The following UQCC1 variants were observed in gnomAD, a reference collection of about 807,000 sequenced individuals.
The protein encoded by UQCC1 is bFGF-repressed Zic-binding protein.
A neutral mutation model predicts 48.0 loss-of-function variants in UQCC1; 38 were observed. That is an observed-to-expected ratio of 0.79 (90% confidence interval 0.61 to 1.04). The LOEUF (loss-of-function observed/expected upper bound fraction) is 1.04, where lower values mean the gene tolerates loss of function less well. Ranked by LOEUF, UQCC1 falls within the 50% of genes least tolerant of loss-of-function variation. The pLI is 0.00. For missense variants in UQCC1, 368 were observed against 381.8 expected (o/e 0.96, Z 0.30); for synonymous variants, 111 against 129.2 (o/e 0.86, Z 0.95).
intron 1 of UQCC1, among the ~76,000 whole-genome samples, chr20:35,395,978 G>GTTT (rs1239478690): frequency 1.8e-5 from 2 of 110,038 alleles, no homozygotes; most frequent in Non-Finnish European, 2.0e-5. Flanking sequence ...GGTTTGCAAT[G>GTTT]TCTTTTTTTT....
chr20:35,305,951 G>A (rs2060923697), intron 9 of UQCC1, among the ~76,000 whole-genome samples: 2 of 152,300 alleles, frequency 1.3e-5, no homozygotes, highest in South Asian at 4.1e-4. Flanking sequence ...TCACTGGGAG[G>A]CCCTGGAAGA....
intron 2 of UQCC1, among the ~76,000 whole-genome samples, chr20:35,392,930 T>C (rs1041985664): frequency 1.3e-5 from 2 of 151,988 alleles, no homozygotes; most frequent in South Asian, 2.1e-4. Context: ...GAGTTCCCAA[T>C]AGATGAATGG....
chr20:35,384,015 C>T, intron 3 of UQCC1, 23 bp downstream of exon 3: 1 of 1,592,550 alleles, frequency 6.3e-7, no homozygotes, highest in Non-Finnish European at 8.6e-7. Flanking sequence ...TCTATAAACA[C>T]AGAATGCACT....
intron 7 of UQCC1, among the ~76,000 whole-genome samples, chr20:35,325,604 T>A (rs1191128155): frequency 6.6e-6 from 1 of 152,178 alleles, no homozygotes; most frequent in African/African-American, 2.4e-5. Flanking sequence ...TGGTATATGC[T>A]GGAGGTAAAA....
At chr20:35,304,100 G>C (rs2060901563) in intron 9 of UQCC1, 31 bp from the exon 10 acceptor site, 3 of 1,613,588 alleles carry the variant, frequency 1.9e-6, no homozygotes, top group East Asian at 4.5e-5. Flanking sequence ...AGGAGGAAGC[G>C]ACAGAGGCAG....
intron 6 of UQCC1, among the ~76,000 whole-genome samples, chr20:35,360,249 T>C (rs904583025): frequency 1.3e-5 from 2 of 152,126 alleles, no homozygotes; most frequent in African/African-American, 2.4e-5. Context: ...TCACCATGTA[T>C]AGCAGGCCTG....
intron 6 of UQCC1, among the ~76,000 whole-genome samples, chr20:35,359,943 G>C (rs1301337520): frequency 6.6e-6 from 1 of 152,156 alleles, no homozygotes; most frequent in Non-Finnish European, 1.5e-5. Context: ...GGGAGCATGA[G>C]GGCCACAGGA....
intron 6 of UQCC1, among the ~76,000 whole-genome samples, chr20:35,359,017 G>T (rs1412591091): frequency 6.6e-6 from 1 of 152,124 alleles, no homozygotes; most frequent in Non-Finnish European, 1.5e-5. Context: ...AAAAAAAGGA[G>T]TGTTCAAACC....
chr20:35,326,655 T>C (rs1040959353), intron 7 of UQCC1, among the ~76,000 whole-genome samples: 4 of 152,096 alleles, frequency 2.6e-5, no homozygotes, highest in African/African-American at 7.2e-5. Flanking sequence ...GAGGTCTGAT[T>C]ACCGTCAGCA....
intron 7 of UQCC1, among the ~76,000 whole-genome samples, chr20:35,334,251 T>C (rs919077260): frequency 2.0e-5 from 3 of 152,174 alleles, no homozygotes; most frequent in African/African-American, 7.2e-5. Flanking sequence ...AGAAGTACTG[T>C]GTGTGACCAG....
At chr20:35,342,117 G>C (rs2061386697) in intron 7 of UQCC1, among the ~76,000 whole-genome samples, 1 of 152,186 alleles carries the variant, frequency 6.6e-6, no homozygotes, top group Non-Finnish European at 1.5e-5. Context: ...AGAGTGAGCA[G>C]GGGACCATGA....
At chr20:35,345,764 G>A (rs1459820305) in intron 7 of UQCC1, 1 of 152,138 alleles carries the variant, frequency 6.6e-6, no homozygotes, top group Non-Finnish European at 1.5e-5. Context: ...TATTCTATGA[G>A]CATATGTAAC....
intron 6 of UQCC1, among the ~76,000 whole-genome samples, chr20:35,355,258 C>G (rs539604249): frequency 1.3e-5 from 2 of 152,296 alleles, no homozygotes; most frequent in South Asian, 4.1e-4. Context: ...AACTCTACCG[C>G]AAATCTCATT....
At chr20:35,346,028 A>C (rs1391312138) in intron 7 of UQCC1, 2 of 152,240 alleles carry the variant, frequency 1.3e-5, no homozygotes, top group African/African-American at 4.8e-5. Context: ...TCGGGTGGAT[A>C]CTTGCACCAA....
intron 6 of UQCC1, among the ~76,000 whole-genome samples, chr20:35,354,398 T>C (rs559546620): frequency 6.9e-3 from 240 of 34,818 alleles, no homozygotes; most frequent in Non-Finnish European, 0.013. Flanking sequence ...CAAATTCTCT[T>C]TTTTTTTTTT....
intron 1 of UQCC1, among the ~76,000 whole-genome samples, chr20:35,395,980 C>A (rs904135257): frequency 2.0e-5 from 2 of 99,238 alleles, no homozygotes. Context: ...TTTGCAATGT[C>A]TTTTTTTTTT....
At chr20:35,379,481 G>T (rs1005200908) in intron 4 of UQCC1, among the ~76,000 whole-genome samples, 1 of 152,152 alleles carries the variant, frequency 6.6e-6, no homozygotes. Context: ...AATGTCATAC[G>T]TTGATATTGT....
intron 5 of UQCC1, among the ~76,000 whole-genome samples, chr20:35,370,433 C>T (rs1458848259): frequency 6.6e-6 from 1 of 152,142 alleles, no homozygotes; most frequent in Non-Finnish European, 1.5e-5. Context: ...AGATATTTGT[C>T]ATCTTCTGCA....
At chr20:35,327,166 G>C (rs938773619) in intron 7 of UQCC1, among the ~76,000 whole-genome samples, 2 of 152,224 alleles carry the variant, frequency 1.3e-5, no homozygotes. Context: ...GCAATGAAGA[G>C]TGAAAGGGGC....
Sources: allele counts gnomAD v4.1 joint callset (sites outside exome capture counted in the v4.1 genomes callset), GRCh38; gene constraint gnomAD v4.1.1; transcripts MANE v1.5; gene names NCBI Gene and HGNC (gene_info 2026-07-23, HGNC 2026-07-21).